Variants in SLC25A48 observed in about 807,000 individuals in gnomAD.
SLC25A48 encodes the protein solute carrier family 25 member 48, also known as CTC-321K16.1.
In SLC25A48, 29 loss-of-function variants were observed where a neutral mutation model predicts 32.2. The ratio of observed to expected loss-of-function variants is 0.90; its 90% CI spans 0.67 to 1.23. The LOEUF is 1.23. Among genes scored for constraint, SLC25A48 ranks in the 50% most tolerant of loss-of-function variants. The pLI is 0.00. For synonymous variants in SLC25A48, 164 were observed against 172.3 expected (o/e 0.95, Z 0.38); for missense variants, 399 against 422.7 (o/e 0.94, Z 0.49).
At chr5:135,650,418 A>T in intron 3 of SLC25A48, 1 of 456,078 alleles carries the variant, frequency 2.2e-6, no homozygotes, top group Non-Finnish European at 4.4e-6. Flanking sequence ...CTTCCTTCAC[A>T]TGGGGTGGGA....
At chr5:135,724,046 G>C (rs1755032213) in intron 3 of SLC25A48, among the ~76,000 whole-genome samples, 1 of 152,164 alleles carries the variant, frequency 6.6e-6, no homozygotes, top group African/African-American at 2.4e-5. Context: ...CAGATCCCTT[G>C]CACACATGGT....
chr5:135,855,825 G>A (rs183962028), intron 4 of SLC25A48, among the ~76,000 whole-genome samples: 1 of 152,194 alleles, frequency 6.6e-6, no homozygotes. Flanking sequence ...AGCAGGCGAG[G>A]CCTTGCTCCT....
chr5:135,660,065 C>G (rs1481680130), intron 3 of SLC25A48, among the ~76,000 whole-genome samples: 3 of 152,108 alleles, frequency 2.0e-5, no homozygotes, highest in African/African-American at 7.2e-5. Context: ...ATTCCTTGGG[C>G]CTTTAATTGT....
intron 1 of SLC25A48, among the ~76,000 whole-genome samples, chr5:135,603,935 C>A (rs1580716234): frequency 6.6e-6 from 1 of 152,116 alleles, no homozygotes; most frequent in East Asian, 1.9e-4. Context: ...TTTCCCCTGC[C>A]CCCTTCCCAG....
intron 2 of SLC25A48, among the ~76,000 whole-genome samples, chr5:135,849,044 A>C (rs1453803558): frequency 2.0e-5 from 3 of 152,244 alleles, no homozygotes; most frequent in Non-Finnish European, 4.4e-5. Flanking sequence ...CATTAGTTTT[A>C]AACTACATAA....
At chr5:135,800,081 T>C (rs1417730322) in intron 3 of SLC25A48, among the ~76,000 whole-genome samples, 1 of 151,548 alleles carries the variant, frequency 6.6e-6, no homozygotes, top group Non-Finnish European at 1.5e-5. Flanking sequence ...CCCCTGGTGA[T>C]ATTGTTTCTA....
chr5:135,627,183 C>T (rs956728801), intron 1 of SLC25A48, among the ~76,000 whole-genome samples: 2 of 152,174 alleles, frequency 1.3e-5, no homozygotes, highest in South Asian at 2.1e-4. Context: ...GCTGACTGCT[C>T]GAGCTAACAT....
At chr5:135,727,057 C>T (rs543507171) in intron 3 of SLC25A48, among the ~76,000 whole-genome samples, 14 of 152,164 alleles carry the variant, frequency 9.2e-5, no homozygotes, top group Admixed American at 7.2e-4. Flanking sequence ...TGGCTAAAGA[C>T]GTTGAACATC....
intron 3 of SLC25A48, among the ~76,000 whole-genome samples, chr5:135,695,568 C>T: frequency 6.6e-6 from 1 of 152,206 alleles, no homozygotes; most frequent in South Asian, 2.1e-4. Context: ...GGTGGCCCTT[C>T]TCCCTTCAGC....
rs1321871377 is a variant in SLC25A48, at chr5:135,629,187, C to A, written c.-848-50C>A. On this transcript the variant is annotated intron_variant, in intron 1 of 10. Coordinates refer to the SLC25A48 transcript ENST00000646290. The surrounding 1 kb of genome is among the most constrained non-coding windows in gnomAD (Gnocchi z 4.8). ...AATGGCCCTGAAGTGTCATCCAGTG[C>A]CAGAATCTCCACCGTTATAGCCTTT... 2 of 152,178 alleles carry A rather than the reference C, an allele frequency of 1.3e-5. No individual in the cohort carries two copies. The highest frequency in any genetic ancestry group is 4.8e-5 in the African/African-American group (2 of 41,442). The allele number at this position is 152,178 out of a possible 1,614,324, so 9.4% of individuals were successfully genotyped here. A position where few individuals can be genotyped will look rare whatever the true frequency, so the allele number is the denominator to read the frequency against.
At chr5:135,790,460 A>G (rs546819917) in intron 3 of SLC25A48, among the ~76,000 whole-genome samples, 18 of 151,534 alleles carry the variant, frequency 1.2e-4, no homozygotes, top group African/African-American at 4.1e-4. Context: ...TTTATTATTT[A>G]TAATACTATA....
chr5:135,771,430 A>C (rs1423684473), intron 3 of SLC25A48, among the ~76,000 whole-genome samples: 1 of 151,712 alleles, frequency 6.6e-6, no homozygotes, highest in Non-Finnish European at 1.5e-5. Context: ...GATTCGTATT[A>C]TTCAGAAGGG....
At position 135,733,959 on chromosome 5, in the gene SLC25A48, G is replaced by A. The variant is rs548253564; in HGVS notation, c.-520-78564G>A. ...GGTAAAACAATTTGGTTGATAAGGC[G>A]CAGATCCTGAACTAACCGGTAAGGC... On this transcript the variant is annotated intron_variant, in intron 3 of 10. Coordinates refer to the SLC25A48 transcript ENST00000646290. 9.9e-5 allele frequency among the ~76,000 whole-genome samples: 15 copies of A among 152,198 alleles called. No individual in the cohort carries two copies. In the South Asian group the frequency reaches 1.9e-3, roughly 19 times the overall value.
At chr5:135,823,121 C>T (rs759793935) in intron 4 of SLC25A48, among the ~76,000 whole-genome samples, 8 of 151,634 alleles carry the variant, frequency 5.3e-5, no homozygotes, top group East Asian at 1.9e-4. Flanking sequence ...GTGTCAGGGG[C>T]GGGGACTCAA....
In SLC25A48 at chr5:135,850,407, C is replaced by A. The variant is rs772411297; in HGVS notation, c.91-18C>A. 11 of 1,614,034 alleles carry A rather than the reference C, an allele frequency of 6.8e-6. No homozygotes were observed. The East Asian group carries it at 2.2e-4, about 33-fold the overall frequency. ...GAATAACCTCTGCGCTGACCCATGT[C>A]CTTGCCTCTCTCCATAGACTCGCCT... is the stretch of plus-strand genomic sequence containing the variant. On this transcript the variant is annotated intron_variant, in intron 2 of 7. Transcript: ENST00000681962.
intron 3 of SLC25A48, among the ~76,000 whole-genome samples, chr5:135,644,198 A>G (rs1266011202): frequency 6.6e-6 from 1 of 151,764 alleles, no homozygotes; most frequent in African/African-American, 2.4e-5. Flanking sequence ...GAAAAAAAAA[A>G]CCCAGTAGGA....
At chr5:135,772,520 G>A (rs1347018726) in intron 3 of SLC25A48, among the ~76,000 whole-genome samples, 1 of 151,522 alleles carries the variant, frequency 6.6e-6, no homozygotes, top group Non-Finnish European at 1.5e-5. Context: ...ATTGCAGCGA[G>A]TGTACGCCCC....
intron 3 of SLC25A48, among the ~76,000 whole-genome samples, chr5:135,695,243 C>T (rs1490585133): frequency 6.6e-6 from 1 of 152,224 alleles, no homozygotes; most frequent in African/African-American, 2.4e-5. Context: ...TTCCCTTCCT[C>T]CAAAACCCTT....
intron 3 of SLC25A48, chr5:135,803,221 A>G (rs532723311): frequency 6.6e-6 from 1 of 151,548 alleles, no homozygotes; most frequent in African/African-American, 2.4e-5. Flanking sequence ...GATGTTATTT[A>G]TAATATACTT....
Sources: allele counts gnomAD v4.1 joint callset (sites outside exome capture counted in the v4.1 genomes callset), GRCh38; gene constraint gnomAD v4.1.1; non-coding constraint Gnocchi (gnomAD v3.1); transcripts MANE v1.5; gene names NCBI Gene and HGNC (gene_info 2026-07-23, HGNC 2026-07-21).